Variants in GSK3B observed in about 807,000 individuals in gnomAD.
GSK3B encodes the protein glycogen synthase kinase 3 beta.
GSK3B carries 15 observed loss-of-function variants against 56.4 expected under a neutral mutation model. The observed-to-expected ratio is 0.27, with a 90% CI of 0.18 to 0.41. GSK3B has a LOEUF of 0.41. GSK3B is among the 10% of genes least tolerant of loss of function. The pLI is 1.00. For missense variants in GSK3B, 300 were observed against 513.4 expected (o/e 0.58, Z 4.02); for synonymous variants, 181 against 188.9 (o/e 0.96, Z 0.34).
chr3:120,024,352 C>CA lies in GSK3B; in HGVS notation c.89-22114dup, dbSNP rs1459513263. 4.0e-5 allele frequency among the ~76,000 whole-genome samples: 6 copies of CA among 151,198 alleles called. No individual in the cohort carries two copies. In the East Asian group the frequency reaches 5.8e-4, roughly 15 times the overall value. On this transcript the variant is annotated intron_variant, in intron 1 of 10. Transcript: ENST00000264235. Reference sequence around the variant, plus strand: ...TGGGCAACACAGCAAGACCCTGTCTCAAAAAAAACAATTCCAGATTCATGG... The same window carrying CA: ...TGGGCAACACAGCAAGACCCTGTCTCAAAAAAAAACAATTCCAGATTCATGG...
chr3:119,927,634 T>C (rs1051614133), intron 3 of GSK3B, among the ~76,000 whole-genome samples: 9 of 152,068 alleles, frequency 5.9e-5, no homozygotes, highest in African/African-American at 2.2e-4. Context: ...CTTTGAGTAG[T>C]TATATTACAT....
At chr3:120,022,997 TC>T (rs1293003862) in intron 1 of GSK3B, among the ~76,000 whole-genome samples, 2 of 152,140 alleles carry the variant, frequency 1.3e-5, no homozygotes, top group African/African-American at 4.8e-5. Context: ...GGAAACAATT[TC>T]CCTTGAAACA....
chr3:119,843,952 A>G (rs1302307072), intron 9 of GSK3B, among the ~76,000 whole-genome samples: 1 of 152,182 alleles, frequency 6.6e-6, no homozygotes, highest in Non-Finnish European at 1.5e-5. Context: ...AATGCCAAAG[A>G]ACAGAAATCA....
chr3:119,887,890 C>T (rs2056456917), intron 7 of GSK3B, among the ~76,000 whole-genome samples: 1 of 151,968 alleles, frequency 6.6e-6, no homozygotes, highest in South Asian at 2.1e-4. Context: ...TACAGGGTAT[C>T]AACAGTTGAC....
chr3:119,876,693 C>T (rs2056318421), intron 7 of GSK3B, among the ~76,000 whole-genome samples, 185 bp from the exon 8 acceptor site: 1 of 152,148 alleles, frequency 6.6e-6, no homozygotes, highest in Admixed American at 6.6e-5. Flanking sequence ...AAACTTAATA[C>T]CCAATTCAAC....
At chr3:120,077,320 A>G (rs918933995) in intron 1 of GSK3B, among the ~76,000 whole-genome samples, 4 of 152,128 alleles carry the variant, frequency 2.6e-5, no homozygotes, top group Non-Finnish European at 4.4e-5. Context: ...GTATATATAT[A>G]TGTGTGTGTG....
intron 1 of GSK3B, among the ~76,000 whole-genome samples, chr3:120,089,214 T>C (rs756400567): frequency 7.2e-5 from 11 of 152,228 alleles, no homozygotes; most frequent in African/African-American, 7.2e-5. Flanking sequence ...CTGGGTTCCC[T>C]TGAAGTTTTT....
intron 5 of GSK3B, among the ~76,000 whole-genome samples, chr3:119,914,761 A>G (rs1362288526): frequency 6.6e-6 from 1 of 152,122 alleles, no homozygotes; most frequent in Admixed American, 6.6e-5. Context: ...GAACAGATTT[A>G]CTTATTTTTT....
chr3:119,919,340 T>A (rs533186740), intron 4 of GSK3B, among the ~76,000 whole-genome samples: 1 of 152,102 alleles, frequency 6.6e-6, no homozygotes, highest in East Asian at 1.9e-4. Context: ...CAATCTAACA[T>A]TTTTCATACA....
chr3:119,926,494 G>A (rs1228655742), intron 3 of GSK3B, among the ~76,000 whole-genome samples: 1 of 152,022 alleles, frequency 6.6e-6, no homozygotes, highest in African/African-American at 2.4e-5. Context: ...CTTTCACGTG[G>A]ATTACTGTAA....
At chr3:119,904,297 C>A (rs1333274780) in intron 7 of GSK3B, among the ~76,000 whole-genome samples, 1 of 152,000 alleles carries the variant, frequency 6.6e-6, no homozygotes, top group Non-Finnish European at 1.5e-5. Flanking sequence ...ATGGGGTAGG[C>A]TTTTAGAAAA....
At chr3:119,990,638 ATG>A (rs1368938362) in intron 2 of GSK3B, among the ~76,000 whole-genome samples, 3 of 152,212 alleles carry the variant, frequency 2.0e-5, no homozygotes, top group Non-Finnish European at 2.9e-5. Context: ...AGGTATTAAA[ATG>A]GTATTAAGCC....
chr3:119,905,056 C>T (rs2056668820), intron 7 of GSK3B, among the ~76,000 whole-genome samples: 1 of 150,382 alleles, frequency 6.6e-6, no homozygotes, highest in Admixed American at 6.6e-5. Context: ...AATCTCAGCT[C>T]TACTGTTCTT....
At chr3:119,894,494 C>T (rs1028666276) in intron 7 of GSK3B, among the ~76,000 whole-genome samples, 3 of 152,058 alleles carry the variant, frequency 2.0e-5, no homozygotes, top group South Asian at 2.1e-4. Flanking sequence ...ACTTGCATTT[C>T]CTTGATGAAT....
At chr3:120,069,610 G>T (rs1365090912) in intron 1 of GSK3B, among the ~76,000 whole-genome samples, 1 of 150,854 alleles carries the variant, frequency 6.6e-6, no homozygotes, top group Non-Finnish European at 1.5e-5. Context: ...AATACCTAAC[G>T]GTCAATACAA....
intron 3 of GSK3B, among the ~76,000 whole-genome samples, chr3:119,946,692 G>C (rs898301472): frequency 1.3e-5 from 2 of 152,184 alleles, no homozygotes; most frequent in Non-Finnish European, 2.9e-5. Flanking sequence ...AGGTTGGAAG[G>C]AGTTATTAAC....
intron 1 of GSK3B, among the ~76,000 whole-genome samples, chr3:120,013,270 T>C (rs146027482): frequency 1.6e-3 from 241 of 152,332 alleles, no homozygotes; most frequent in Middle Eastern, 3.4e-3. Context: ...GACACTCTAA[T>C]TTTATTCAAA....
intron 3 of GSK3B, among the ~76,000 whole-genome samples, chr3:119,930,567 G>A (rs189202679): frequency 4.1e-4 from 62 of 152,232 alleles, no homozygotes; most frequent in South Asian, 2.3e-3. Flanking sequence ...AACTTGGGCT[G>A]GTATGATAGA....
At chr3:119,974,729 TC>T (rs1305517324) in intron 2 of GSK3B, among the ~76,000 whole-genome samples, 2 of 152,176 alleles carry the variant, frequency 1.3e-5, no homozygotes, top group African/African-American at 4.8e-5. Context: ...AAGAAGATGT[TC>T]AACATCATAT....
Sources: allele counts gnomAD v4.1 joint callset (sites outside exome capture counted in the v4.1 genomes callset), GRCh38; gene constraint gnomAD v4.1.1; transcripts MANE v1.5; gene names NCBI Gene and HGNC (gene_info 2026-07-23, HGNC 2026-07-21).